DRAM1: variants seen among roughly 807,000 people sequenced by gnomAD.
The protein encoded by DRAM1 is DNA damage-regulated autophagy modulator protein 1.
DRAM1 carries 25 observed loss-of-function variants against 28.5 expected under a neutral mutation model. The observed-to-expected ratio is 0.88, with a 90% CI of 0.64 to 1.23. The LOEUF (loss-of-function observed/expected upper bound fraction) is 1.23. DRAM1 is among the 50% of genes most tolerant of loss of function. The pLI, the probability that DRAM1 is intolerant of heterozygous loss-of-function variation, is 0.00. For synonymous variants in DRAM1, 113 were observed against 114.2 expected, an observed-to-expected ratio of 0.99 and a Z score of 0.07; for missense variants, 249 against 299.2, an observed-to-expected ratio of 0.83 and a Z score of 1.24.
intron 1 of DRAM1, among the ~76,000 whole-genome samples, chr12:101,889,848 G>A (rs904663531): frequency 1.3e-5 from 2 of 148,238 alleles, no homozygotes; most frequent in South Asian, 2.2e-4. Flanking sequence ...GCTGAGGCAC[G>A]AGAATTGCTT....
chr12:101,912,017 G>T (rs1206287322), intron 4 of DRAM1, among the ~76,000 whole-genome samples: 1 of 152,076 alleles, frequency 6.6e-6, no homozygotes, highest in Non-Finnish European at 1.5e-5. Flanking sequence ...TGGCTAACGT[G>T]GTGAAACCCC....
chr12:101,909,488 G>A (rs1401052480), intron 4 of DRAM1, among the ~76,000 whole-genome samples: 1 of 152,104 alleles, frequency 6.6e-6, no homozygotes, highest in Non-Finnish European at 1.5e-5. Flanking sequence ...TGTACTCAAA[G>A]TAATAGCCCC....
chr12:101,913,700 C>A (rs1358726571), intron 4 of DRAM1, among the ~76,000 whole-genome samples: 2 of 104,912 alleles, frequency 1.9e-5, no homozygotes, highest in East Asian at 2.8e-4. Context: ...AGCGAGAGTA[C>A]GTCTCAAAAA....
chr12:101,893,720 G>A (rs1015483658), intron 1 of DRAM1, among the ~76,000 whole-genome samples: 2 of 152,006 alleles, frequency 1.3e-5, no homozygotes, highest in African/African-American at 2.4e-5. Context: ...GCACCTAATG[G>A]TGCCTGGTGG....
chr12:101,909,777 C>T (rs1371373475), intron 4 of DRAM1, among the ~76,000 whole-genome samples: 1 of 152,122 alleles, frequency 6.6e-6, no homozygotes, highest in Non-Finnish European at 1.5e-5. Flanking sequence ...CTTTTTCTTT[C>T]CCTTTTTCTT....
intron 3 of DRAM1, among the ~76,000 whole-genome samples, chr12:101,902,283 C>T (rs1236184488): frequency 6.6e-6 from 1 of 152,112 alleles, no homozygotes. Flanking sequence ...CTATTATTTT[C>T]CCCATTTATC....
chr12:101,906,578 G>A (rs1873816882), intron 3 of DRAM1, among the ~76,000 whole-genome samples: 2 of 152,236 alleles, frequency 1.3e-5, no homozygotes, highest in Admixed American at 6.5e-5. Flanking sequence ...CTGAGGCTGG[G>A]TGTGGTGGCT....
chr12:101,917,716 C>A (rs1031872357), intron 5 of DRAM1, among the ~76,000 whole-genome samples: 1 of 149,308 alleles, frequency 6.7e-6, no homozygotes, highest in African/African-American at 2.5e-5. Context: ...AAAAAGCCTT[C>A]TTTAAAATCT....
At chr12:101,906,243 C>CTT (rs374720915) in intron 3 of DRAM1, among the ~76,000 whole-genome samples, 5 of 147,872 alleles carry the variant, frequency 3.4e-5, no homozygotes, top group African/African-American at 1.2e-4. Flanking sequence ...GTTAAAAGGT[C>CTT]TTTTTTTTTT....
At chr12:101,895,873 A>G (rs1203835270) in intron 1 of DRAM1, among the ~76,000 whole-genome samples, 1 of 148,272 alleles carries the variant, frequency 6.7e-6, no homozygotes, top group African/African-American at 2.5e-5. Context: ...CCTGGTCGTA[A>G]GGGAGGCTAT....
At chr12:101,883,961 A>G (rs1001644721) in intron 1 of DRAM1, among the ~76,000 whole-genome samples, 1 of 151,994 alleles carries the variant, frequency 6.6e-6, no homozygotes, top group Non-Finnish European at 1.5e-5. Flanking sequence ...ATAAATACAA[A>G]ATAAAAACAT....
intron 4 of DRAM1, among the ~76,000 whole-genome samples, chr12:101,908,914 A>G (rs1375366165): frequency 1.4e-5 from 2 of 147,814 alleles, no homozygotes; most frequent in Non-Finnish European, 3.0e-5. Flanking sequence ...AAAAAAAAAA[A>G]GCAAAGGATA....
intron 1 of DRAM1, among the ~76,000 whole-genome samples, chr12:101,890,383 T>G (rs1321791902): frequency 8.6e-5 from 2 of 23,142 alleles, no homozygotes; most frequent in Non-Finnish European, 1.3e-4. Flanking sequence ...CCCGGCCCTA[T>G]TTTTTTTGGT....
chr12:101,885,206 A>G (rs764774415), intron 1 of DRAM1, among the ~76,000 whole-genome samples: 5 of 152,112 alleles, frequency 3.3e-5, no homozygotes, highest in Non-Finnish European at 5.9e-5. Flanking sequence ...GAGCCACCAC[A>G]CCCAGCCTTG....
At chr12:101,895,187 T>TTTTTTTTTTTTTTGTTTTTTG (rs1873305641) in intron 1 of DRAM1, among the ~76,000 whole-genome samples, 2 of 26,792 alleles carry the variant, frequency 7.5e-5, no homozygotes, top group Non-Finnish European at 1.4e-4. Flanking sequence ...ACCCTTCAGG[T>TTTTTTTTTTTTTTGTTTTTTG]TTTTTTTTTT....
intron 1 of DRAM1, among the ~76,000 whole-genome samples, chr12:101,895,476 C>A (rs1043416047): frequency 6.6e-6 from 1 of 151,308 alleles, no homozygotes; most frequent in African/African-American, 2.4e-5. Context: ...CTATACCCAG[C>A]CTAAATCCTA....
At chr12:101,903,912 AACACACACACACATACACAC>A (rs1873690892) in intron 3 of DRAM1, among the ~76,000 whole-genome samples, 1 of 121,528 alleles carries the variant, frequency 8.2e-6, no homozygotes, top group Non-Finnish European at 1.6e-5. Flanking sequence ...TGCCTCTGGA[AACACACACACACATACACAC>A]ACACACACAC....
At chr12:101,904,135 C>T (rs891414546) in intron 3 of DRAM1, among the ~76,000 whole-genome samples, 22 of 151,984 alleles carry the variant, frequency 1.4e-4, no homozygotes, top group Non-Finnish European at 7.4e-5. Context: ...TTACAGGCAC[C>T]TGGCACCATG....
rs1407566426 is a variant in DRAM1, at chr12:101,898,732, T to C, written c.199+802T>C. On this transcript the variant is annotated intron_variant, in intron 2 of 6. Transcript: ENST00000258534. ...TAAACAAGCACTCTAGGGGACTTGGTTTCTCACTAAAGTTTGAGGACCATT... is the reference window on the plus strand; with the variant it reads ...TAAACAAGCACTCTAGGGGACTTGGCTTCTCACTAAAGTTTGAGGACCATT... 3.3e-5 allele frequency among the ~76,000 whole-genome samples: 5 copies of C among 152,356 alleles called. No homozygotes were observed. The South Asian group carries it at 1.0e-3, about 32-fold the overall frequency.
Sources: allele counts gnomAD v4.1 joint callset (sites outside exome capture counted in the v4.1 genomes callset), GRCh38; gene constraint gnomAD v4.1.1; transcripts MANE v1.5; gene names NCBI Gene and HGNC (gene_info 2026-07-23, HGNC 2026-07-21).